ANKRD55: variants seen among roughly 807,000 people sequenced by gnomAD.
The protein encoded by ANKRD55 is ankyrin repeat domain 55, also known as ankyrin repeat domain-containing protein 55.
In ANKRD55, 41 loss-of-function variants were observed where a neutral mutation model predicts 60.6. That is an observed-to-expected ratio of 0.68 (90% CI 0.53 to 0.88). ANKRD55 has a LOEUF of 0.88. Ranked by LOEUF, ANKRD55 falls within the 40% of genes least tolerant of loss-of-function variation. The probability of loss-of-function intolerance (pLI) is 0.00; values close to 1 mark genes in which losing one functional copy is unlikely to be tolerated. For synonymous variants in ANKRD55, 264 were observed against 290.3 expected (o/e 0.91, Z 0.92); for missense variants, 732 against 767.6 (o/e 0.95, Z 0.55).
chr5:56,197,855 A>G (rs1156822032), intron 2 of ANKRD55, among the ~76,000 whole-genome samples: 2 of 152,154 alleles, frequency 1.3e-5, no homozygotes, highest in East Asian at 1.9e-4. Flanking sequence ...TATTTTCACA[A>G]TTGTTTTCTT....
At chr5:56,182,794 C>T (rs1174140390) in intron 3 of ANKRD55, among the ~76,000 whole-genome samples, 1 of 152,210 alleles carries the variant, frequency 6.6e-6, no homozygotes, top group Non-Finnish European at 1.5e-5. Context: ...TCCAGGTTTC[C>T]TACTCAGTCT....
intron 7 of ANKRD55, among the ~76,000 whole-genome samples, chr5:56,135,368 CTTCTTTCT>C (rs1166549081): frequency 4.1e-5 from 2 of 49,188 alleles, no homozygotes; most frequent in East Asian, 1.0e-3. Context: ...TCTTTCTTTC[CTTCTTTCT>C]TTCTTTCTTT....
intron 2 of ANKRD55, among the ~76,000 whole-genome samples, chr5:56,201,911 T>C (rs1561290530): frequency 6.6e-6 from 1 of 152,164 alleles, no homozygotes; most frequent in Non-Finnish European, 1.5e-5. Flanking sequence ...CCATCAGTGA[T>C]AAACTGGATA....
chr5:56,166,123 T>TTTCTTTCTTTCTTTCTTTC (rs1758457781), intron 5 of ANKRD55, among the ~76,000 whole-genome samples: 2 of 88,558 alleles, frequency 2.3e-5, no homozygotes, highest in South Asian at 7.5e-4. Flanking sequence ...TCTTTCTTTC[T>TTTCTTTCTTTCTTTCTTTC]TTCTTTCTTT....
chr5:56,140,517 T>C (rs1757732946), intron 7 of ANKRD55, among the ~76,000 whole-genome samples: 1 of 152,166 alleles, frequency 6.6e-6, no homozygotes. Flanking sequence ...ATTGTAGGGG[T>C]TCTAGAGGGA....
At chr5:56,147,916 G>A (rs965691925) in intron 6 of ANKRD55, among the ~76,000 whole-genome samples, 3 of 152,072 alleles carry the variant, frequency 2.0e-5, no homozygotes, top group East Asian at 3.8e-4. Context: ...TGTTGGGCCC[G>A]CAGAAATTGT....
Position 56,116,661 on chromosome 5 carries a change from A to C in ANKRD55, c.919T>G (p.Tyr307Asp). The change falls in exon 9 of 12, where the codon TAC becomes GAC. Residue 307 changes from tyrosine to aspartate, a missense_variant. Physicochemically the swap from Tyr to Asp is radical, Grantham distance 160 (BLOSUM62 -3). Around this residue, in one of 3 missense-constraint regions of ANKRD55, gnomAD observed 597 missense variants for 607.5 expected, o/e 0.98. Coordinates refer to ENST00000341048, the MANE Select transcript of ANKRD55 (RefSeq NM_024669.3). ...TTGACACACGCCGTGTGACCGCAGTACAGGGCATAGGCCAAGGGCGTGCTC... is the reference window on the plus strand; with the variant it reads ...TTGACACACGCCGTGTGACCGCAGTCCAGGGCATAGGCCAAGGGCGTGCTC... ...NESTPLAYAL[Y>D]CGHTACVKLL... 6.2e-7 allele frequency: 1 copy of C among 1,611,818 alleles called. No individual in the cohort carries two copies. Among genetic ancestry groups the C allele is most frequent in the Non-Finnish European group, 8.5e-7 (1 of 1,179,040 alleles).
intron 2 of ANKRD55, among the ~76,000 whole-genome samples, chr5:56,210,416 GC>G (rs894124773): frequency 6.6e-6 from 1 of 151,936 alleles, no homozygotes; most frequent in African/African-American, 2.4e-5. Context: ...CAAAAAATTA[GC>G]CGGGTGCGGT....
At chr5:56,129,705 T>C (rs1359017555) in intron 7 of ANKRD55, among the ~76,000 whole-genome samples, 2 of 152,212 alleles carry the variant, frequency 1.3e-5, no homozygotes, top group Non-Finnish European at 2.9e-5. Flanking sequence ...CTAACATATG[T>C]CTAAGGAATA....
At chr5:56,105,647 G>A (rs946427787) in intron 10 of ANKRD55, among the ~76,000 whole-genome samples, 12 of 152,172 alleles carry the variant, frequency 7.9e-5, no homozygotes, top group Admixed American at 2.6e-4. Context: ...TGAGATGGGC[G>A]GTGCAGAAGC....
chr5:56,196,407 G>C (rs1020545246), intron 2 of ANKRD55, among the ~76,000 whole-genome samples: 2 of 152,182 alleles, frequency 1.3e-5, no homozygotes, highest in African/African-American at 4.8e-5. Context: ...GTAATAGCTA[G>C]TATTTATCGA....
At position 56,100,150 on chromosome 5, in the gene ANKRD55, T is replaced by C; in HGVS notation, c.*33A>G. On this transcript the variant is annotated 3_prime_UTR_variant, in exon 12 of 12. Transcript: ENST00000341048. The stretch of plus-strand genomic sequence containing the variant: ...GTCCTTTGAGAGTTGAAAATACATA[T>C]TCATCTACATTTCTGCAGCGAGTGG... The C allele has an allele frequency of 6.2e-7, 1 of 1,613,896 alleles. No homozygotes were observed. The highest frequency in any genetic ancestry group is 8.5e-7 in the Non-Finnish European group (1 of 1,179,876).
intron 7 of ANKRD55, among the ~76,000 whole-genome samples, chr5:56,135,359 CT>C (rs764417307): frequency 1.9e-4 from 20 of 104,060 alleles, no homozygotes; most frequent in Non-Finnish European, 1.2e-4. Flanking sequence ...TTCTTTCTTT[CT>C]TTCTTTCCTT....
At chr5:56,131,892 C>T (rs946736707) in intron 7 of ANKRD55, among the ~76,000 whole-genome samples, 66 of 140,870 alleles carry the variant, frequency 4.7e-4, no homozygotes, top group African/African-American at 1.6e-3. Flanking sequence ...AAAAGAAGAA[C>T]GCTGAAGAAG....
chr5:56,161,148 T>C (rs1405457565), intron 5 of ANKRD55, among the ~76,000 whole-genome samples: 1 of 152,128 alleles, frequency 6.6e-6, no homozygotes, highest in Non-Finnish European at 1.5e-5. Flanking sequence ...GGAGAGATTT[T>C]TTTTTTTTTT....
In ANKRD55 at chr5:56,100,024, G is replaced by A. The variant is rs1355247540; in HGVS notation, c.*159C>T. 5.4e-6 allele frequency: 5 copies of A among 933,882 alleles called. No homozygotes were observed. In the Admixed American group the frequency reaches 8.9e-5, roughly 17 times the overall value. The allele number at this position is 933,882 out of a possible 1,614,324, so 57.8% of individuals were successfully genotyped here. ...AATATTCTAAGTGCTTATTTAGGGA[G>A]TATCTTTATTTGGAATAAAGAATTT... is the stretch of plus-strand genomic sequence containing the variant. On this transcript the variant is annotated 3_prime_UTR_variant, in exon 12 of 12. Transcript: ENST00000341048.
intron 7 of ANKRD55, among the ~76,000 whole-genome samples, chr5:56,143,211 T>G (rs1757815404): frequency 6.6e-6 from 1 of 152,244 alleles, no homozygotes; most frequent in Non-Finnish European, 1.5e-5. Context: ...TAGTTAATCA[T>G]TCCCCTTGAA....
At chr5:56,231,955 A>G (rs146171188) in intron 2 of ANKRD55, among the ~76,000 whole-genome samples, 15 of 152,336 alleles carry the variant, frequency 9.8e-5, no homozygotes, top group Non-Finnish European at 1.5e-5. Flanking sequence ...TTCATGTTGT[A>G]GCCAAAACAG....
chr5:56,100,958 C>T (rs1756253576), intron 11 of ANKRD55, among the ~76,000 whole-genome samples: 1 of 152,180 alleles, frequency 6.6e-6, no homozygotes, highest in African/African-American at 2.4e-5. Context: ...TTGACACCAT[C>T]CAAAACGTTC....
Sources: gnomAD v4.1 joint callset for allele counts (sites outside exome capture counted in the v4.1 genomes callset) on GRCh38, gnomAD v4.1.1 for gene constraint, gnomAD v4.1.1 regional missense constraint, MANE v1.5 for transcripts, NCBI Gene and HGNC (gene_info 2026-07-23, HGNC 2026-07-21) for gene names.